The following NEO1 variants were observed in gnomAD, a reference collection of about 807,000 sequenced individuals.
NEO1 encodes the protein neogenin 1.
Under a neutral mutation model 159.7 loss-of-function variants are expected in NEO1, and 63 were observed. The ratio of observed to expected loss-of-function variants is 0.39; its 90% CI spans 0.32 to 0.49. The LOEUF (loss-of-function observed/expected upper bound fraction) is 0.49. NEO1 is among the 20% of genes least tolerant of loss of function. The pLI is 0.85. For synonymous variants in NEO1, 633 were observed against 662.0 expected, an observed-to-expected ratio of 0.96 and a Z score of 0.67; for missense variants, 1,615 against 1,831.0, an observed-to-expected ratio of 0.88 and a Z score of 2.15.
chr15:73,122,883 A>T, intron 3 of NEO1, 83 bp downstream of exon 3: 1 of 1,536,726 alleles, frequency 6.5e-7, no homozygotes, highest in Non-Finnish European at 8.8e-7. Flanking sequence ...AAAATAATGA[A>T]TGTTGGCCGG....
intron 7 of NEO1, among the ~76,000 whole-genome samples, chr15:73,217,726 C>G (rs2037980758): frequency 6.6e-6 from 1 of 151,950 alleles, no homozygotes. Context: ...ATTTGGCTCT[C>G]TGTTTGTTAT....
intron 1 of NEO1, among the ~76,000 whole-genome samples, chr15:73,069,826 G>A (rs2068449004): frequency 6.6e-6 from 1 of 152,102 alleles, no homozygotes; most frequent in Non-Finnish European, 1.5e-5. Context: ...TAGGACATGA[G>A]ACAGAAAAGT....
chr15:73,121,720 T>C (rs1246530702), intron 2 of NEO1, among the ~76,000 whole-genome samples: 1 of 152,188 alleles, frequency 6.6e-6, no homozygotes, highest in Non-Finnish European at 1.5e-5. Context: ...TATTTGTTTA[T>C]ATTTGCATGA....
At chr15:73,233,453 G>A (rs554204063) in intron 7 of NEO1, among the ~76,000 whole-genome samples, 14 of 152,142 alleles carry the variant, frequency 9.2e-5, no homozygotes, top group African/African-American at 2.9e-4. Flanking sequence ...TGTCTTCATC[G>A]TACTCATGTT....
intron 7 of NEO1, among the ~76,000 whole-genome samples, chr15:73,203,669 C>T (rs967510000): frequency 3.3e-5 from 5 of 151,982 alleles, no homozygotes; most frequent in Non-Finnish European, 5.9e-5. Flanking sequence ...TTACAGTATA[C>T]GTTTTTAACT....
At chr15:73,172,258 G>C (rs2035021796) in intron 5 of NEO1, among the ~76,000 whole-genome samples, 1 of 152,136 alleles carries the variant, frequency 6.6e-6, no homozygotes, top group Admixed American at 6.6e-5. Flanking sequence ...ATCCAGATCT[G>C]TCACTGACTA....
intron 1 of NEO1, among the ~76,000 whole-genome samples, chr15:73,112,079 A>G (rs544428481): frequency 1.3e-5 from 2 of 152,030 alleles, no homozygotes; most frequent in South Asian, 2.1e-4. Context: ...CCTGGTGTAC[A>G]TTTTTCCTAC....
intron 1 of NEO1, among the ~76,000 whole-genome samples, chr15:73,076,778 G>T (rs1161710367): frequency 2.0e-5 from 3 of 152,034 alleles, no homozygotes; most frequent in African/African-American, 7.2e-5. Context: ...TACTGCTCAG[G>T]CTACCTTCTT....
intron 7 of NEO1, among the ~76,000 whole-genome samples, chr15:73,196,318 T>C (rs1381030492): frequency 6.6e-6 from 1 of 152,204 alleles, no homozygotes; most frequent in East Asian, 1.9e-4. Context: ...TTTTATAACT[T>C]CCTCCAATTG....
intron 8 of NEO1, among the ~76,000 whole-genome samples, chr15:73,236,861 T>C (rs946648363): frequency 6.6e-6 from 1 of 152,198 alleles, no homozygotes; most frequent in African/African-American, 2.4e-5. Context: ...CACACCCTTA[T>C]GTGGTGTGGG....
chr15:73,052,808 A>G lies in NEO1; in HGVS notation c.130+3A>G, dbSNP rs541034605. ...CGGCTCCGCGCCGCAGTCCCCAGGT[A>G]AGCGGCGGGCGCGGGCCCGGGGGTT... On this transcript the variant is annotated splice_donor_region_variant and intron_variant, in intron 1 of 28. Coordinates refer to ENST00000261908, the MANE Select transcript of NEO1 (RefSeq NM_002499.4). 3.4e-4 allele frequency: 323 copies of G among 938,600 alleles called. No individual in the cohort carries two copies. The highest frequency in any genetic ancestry group is 4.0e-4 in the Non-Finnish European group (308 of 767,978). The allele number at this position is 938,600 out of a possible 1,614,324, so 58.1% of individuals were successfully genotyped here.
rs147611304 is a variant in NEO1 at position 73,093,962 on chromosome 15, C to G, written c.131-22578C>G. 3.1e-3 allele frequency among the ~76,000 whole-genome samples: 476 copies of G among 152,166 alleles called. 1 individual carries two copies. Among genetic ancestry groups the G allele is most frequent in the South Asian group, 9.5e-3 (46 of 4,818 alleles). ...TGTTTTGTTTTGTTTTTAGCACTTC[C>G]TTACCTTTGGGCACTACAACATGCT... On this transcript the variant is annotated intron_variant, in intron 1 of 28. Transcript: ENST00000261908.
At chr15:73,187,877 G>T (rs1035135634) in intron 7 of NEO1, among the ~76,000 whole-genome samples, 1 of 152,036 alleles carries the variant, frequency 6.6e-6, no homozygotes, top group Non-Finnish European at 1.5e-5. Flanking sequence ...ACAGATTTTG[G>T]GACTGCTATA....
intron 1 of NEO1, among the ~76,000 whole-genome samples, chr15:73,069,223 A>G (rs1473251741): frequency 6.7e-6 from 1 of 150,094 alleles, no homozygotes; most frequent in African/African-American, 2.4e-5. Flanking sequence ...TGGCCTCCCA[A>G]AGTGCTGGGA....
chr15:73,249,664 A>G lies in NEO1; in HGVS notation c.1837A>G (p.Asn613Asp), dbSNP rs1248269019. The stretch of plus-strand genomic sequence containing the variant: ...GTATAGTTTCCGAGTGGTGGCCTAC[A>G]ATAAACATGGTCCTGGAGTTTCCAC... ...TEYSFRVVAYNKHGPGVSTPD... is the reference protein window; with the variant it reads ...TEYSFRVVAYDKHGPGVSTPD... Residue 613 changes from asparagine to aspartate, a missense_variant, in exon 11 of 29, where the codon AAT (asparagine) becomes GAT (aspartate). Asn to Asp is a conservative substitution (Grantham distance 23, BLOSUM62 1). Transcript: ENST00000261908. The G allele has an allele frequency of 1.2e-6, 2 of 1,613,836 alleles. No homozygotes were observed. The highest frequency in any genetic ancestry group is 1.3e-5 in the African/African-American group (1 of 74,906).
At chr15:73,178,969 A>G (rs2035443122) in intron 7 of NEO1, among the ~76,000 whole-genome samples, 1 of 152,206 alleles carries the variant, frequency 6.6e-6, no homozygotes, top group Non-Finnish European at 1.5e-5. Context: ...CACGTTTCTT[A>G]GAAAAACTTA....
At position 73,178,356 on chromosome 15, in the gene NEO1, T is replaced by C. The variant is rs772625078; in HGVS notation, c.1220T>C (p.Phe407Ser). Residue 407 changes from phenylalanine to serine, a missense_variant, in exon 7 of 29, where the codon TTC becomes TCC. Physicochemically the swap from Phe to Ser is radical, Grantham distance 155. This residue lies in a region of NEO1 where 1,018 missense variants were observed against 1,115.4 expected (regional missense o/e 0.91). Transcript: ENST00000261908. ...VLGLVKSDEG[F>S]YQCIAENDVG... ...GGTCTGGTGAAATCAGATGAAGGGT[T>C]CTATCAGTGCATTGCTGAAAATGAT... 1 of 1,613,872 alleles carries C rather than the reference T, an allele frequency of 6.2e-7. No homozygotes were observed. Among genetic ancestry groups the C allele is most frequent in the Admixed American group, 1.7e-5 (1 of 60,022 alleles).
At position 73,138,765 on chromosome 15, in the gene NEO1, AAAAAAAC is replaced by A. The variant is rs2032068439; in HGVS notation, c.1015+2745_1015+2751del. On this transcript the variant is annotated intron_variant, in intron 5 of 28. Transcript: ENST00000261908. ...AGCGAGACTCCGTCTCAAAAAAAAAAAAAAAACAAAAAAACAAAAAAACAAAGGGGGA... is the reference window on the plus strand; with the variant it reads ...AGCGAGACTCCGTCTCAAAAAAAAAAAAAAAAACAAAAAAACAAAGGGGGA... 2.7e-5 allele frequency among the ~76,000 whole-genome samples: 4 copies of A among 149,670 alleles called. No homozygotes were observed. The South Asian group carries it at 8.4e-4, about 31-fold the overall frequency.
intron 5 of NEO1, among the ~76,000 whole-genome samples, chr15:73,170,711 C>T (rs891182046): frequency 2.0e-5 from 3 of 152,080 alleles, no homozygotes; most frequent in Non-Finnish European, 2.9e-5. Context: ...GTTTTGAAAA[C>T]GTAAGTGAAG....
Sources: gnomAD v4.1 joint callset for allele counts (sites outside exome capture counted in the v4.1 genomes callset) on GRCh38, gnomAD v4.1.1 for gene constraint, gnomAD v4.1.1 regional missense constraint, MANE v1.5 for transcripts, NCBI Gene and HGNC (gene_info 2026-07-23, HGNC 2026-07-21) for gene names.